Variants in MAGI1 observed in about 807,000 individuals in gnomAD.
MAGI1 encodes membrane-associated guanylate kinase, WW and PDZ domain-containing protein 1.
In MAGI1, 58 loss-of-function variants were observed where a neutral mutation model predicts 139.9. That is an observed-to-expected ratio of 0.41 (90% CI 0.34 to 0.52). The LOEUF is 0.52. MAGI1 is among the 20% of genes least tolerant of loss of function. The pLI is 0.12. For missense variants in MAGI1, 1,874 were observed against 1,901.6 expected, an observed-to-expected ratio of 0.99 and a Z score of 0.27; for synonymous variants, 812 against 737.9, an observed-to-expected ratio of 1.10 and a Z score of -1.63.
intron 2 of MAGI1, among the ~76,000 whole-genome samples, chr3:65,569,000 A>G (rs1165591244): frequency 1.3e-5 from 2 of 152,232 alleles, no homozygotes; most frequent in Non-Finnish European, 2.9e-5. Flanking sequence ...TTTGGCTCAC[A>G]CAGTACTTTA....
intron 1 of MAGI1, among the ~76,000 whole-genome samples, chr3:65,697,023 G>A (rs1214307578): frequency 2.0e-5 from 3 of 151,984 alleles, no homozygotes; most frequent in African/African-American, 4.8e-5. Flanking sequence ...TAGACACAAT[G>A]AAAAATGATA....
intron 2 of MAGI1, among the ~76,000 whole-genome samples, chr3:65,592,703 A>G (rs76167251): frequency 0.017 from 2,567 of 152,278 alleles, 55 homozygotes; most frequent in Non-Finnish European, 0.025. Flanking sequence ...ACTTTTGGAG[A>G]GTTGGACTTC....
At chr3:65,559,691 GC>G (rs1358275328) in intron 2 of MAGI1, among the ~76,000 whole-genome samples, 1 of 152,086 alleles carries the variant, frequency 6.6e-6, no homozygotes, top group African/African-American at 2.4e-5. Flanking sequence ...GCCCAGAAAG[GC>G]TACAAAACTT....
At chr3:65,481,541 G>A (rs112457920) in intron 3 of MAGI1, among the ~76,000 whole-genome samples, 1,827 of 152,142 alleles carry the variant, frequency 0.012, 39 homozygotes, top group African/African-American at 0.041. Flanking sequence ...ATTATATCAC[G>A]ACATCATGTA....
chr3:65,598,620 GA>G (rs1285166878), intron 2 of MAGI1, among the ~76,000 whole-genome samples: 4 of 152,176 alleles, frequency 2.6e-5, no homozygotes, highest in Admixed American at 2.6e-4. Context: ...CACTTTCAAG[GA>G]ATTGACACTT....
intron 1 of MAGI1, among the ~76,000 whole-genome samples, chr3:65,738,176 G>A (rs769736826): frequency 3.9e-5 from 6 of 152,160 alleles, no homozygotes; most frequent in Non-Finnish European, 8.8e-5. Flanking sequence ...CTGTGGGTTC[G>A]GTTCCTGATG....
chr3:65,774,086 C>T (rs1268502615), intron 1 of MAGI1, among the ~76,000 whole-genome samples: 2 of 145,696 alleles, frequency 1.4e-5, no homozygotes, highest in Non-Finnish European at 3.0e-5. Context: ...GTTTCCATAG[C>T]CCCAGATCCA....
rs72908272 is a variant in MAGI1 at position 65,776,857 on chromosome 3, T to C, written c.314-154769A>G. Among the ~76,000 whole-genome samples the C allele has an allele frequency of 7.9e-3, 1,199 of 152,354 alleles. 16 individuals are homozygous for C. Among genetic ancestry groups the C allele is most frequent in the African/African-American group, 0.027 (1,126 of 41,586 alleles). On this transcript the variant is annotated intron_variant, in intron 1 of 22. Transcript: ENST00000402939. ...AGACTTTTCTGCATCTCAGCCACTTTTGTTTCTATCCATCGCTGGCTGCTT... is the reference window on the plus strand; with the variant it reads ...AGACTTTTCTGCATCTCAGCCACTTCTGTTTCTATCCATCGCTGGCTGCTT...
At chr3:66,024,033 C>A (rs1292595247) in intron 1 of MAGI1, among the ~76,000 whole-genome samples, 3 of 152,250 alleles carry the variant, frequency 2.0e-5, no homozygotes, top group South Asian at 2.1e-4. Flanking sequence ...CCAAAGTAGA[C>A]CACTTCCAAA....
chr3:65,582,018 G>A (rs1484957847), intron 2 of MAGI1, among the ~76,000 whole-genome samples: 1 of 152,116 alleles, frequency 6.6e-6, no homozygotes, highest in African/African-American at 2.4e-5. Flanking sequence ...TAGCCCCTGT[G>A]GTAGATTCAA....
intron 1 of MAGI1, among the ~76,000 whole-genome samples, chr3:65,939,032 G>A (rs1174678822): frequency 1.3e-5 from 2 of 152,046 alleles, no homozygotes; most frequent in African/African-American, 2.4e-5. Context: ...CTAGTAATTC[G>A]TTTGCGCCCC....
At chr3:65,888,976 T>C (rs2060636250) in intron 1 of MAGI1, among the ~76,000 whole-genome samples, 1 of 152,230 alleles carries the variant, frequency 6.6e-6, no homozygotes. Context: ...TATGTGTGTA[T>C]GTATACATAT....
intron 1 of MAGI1, among the ~76,000 whole-genome samples, chr3:66,004,219 T>A (rs2066897462): frequency 6.6e-6 from 1 of 152,186 alleles, no homozygotes; most frequent in Admixed American, 6.5e-5. Context: ...ACCCTTTCAT[T>A]ATGCTCACGG....
intron 1 of MAGI1, among the ~76,000 whole-genome samples, chr3:65,835,315 A>G (rs2042745990): frequency 6.6e-6 from 1 of 152,234 alleles, no homozygotes; most frequent in Non-Finnish European, 1.5e-5. Context: ...CATCAAGGAA[A>G]CAAGAAACTA....
At chr3:65,601,849 G>A (rs779454969) in intron 2 of MAGI1, among the ~76,000 whole-genome samples, 1 of 152,080 alleles carries the variant, frequency 6.6e-6, no homozygotes, top group Non-Finnish European at 1.5e-5. Flanking sequence ...TACTGGTGAA[G>A]CATTTATCTG....
At chr3:65,880,073 C>G (rs1451061701) in intron 1 of MAGI1, among the ~76,000 whole-genome samples, 1 of 152,160 alleles carries the variant, frequency 6.6e-6, no homozygotes, top group African/African-American at 2.4e-5. Flanking sequence ...GAAACCCAGT[C>G]TCTACTAAAA....
At chr3:65,693,358 G>T (rs2107574974) in intron 1 of MAGI1, among the ~76,000 whole-genome samples, 1 of 152,274 alleles carries the variant, frequency 6.6e-6, no homozygotes, top group East Asian at 1.9e-4. Context: ...ACTTTCCTAA[G>T]ATCATGTAAC....
chr3:65,997,163 T>A (rs1230103036), intron 1 of MAGI1, among the ~76,000 whole-genome samples: 1 of 152,134 alleles, frequency 6.6e-6, no homozygotes, highest in Non-Finnish European at 1.5e-5. Context: ...GTACCCACCC[T>A]ACCTCAGTGG....
chr3:65,782,457 A>G (rs2039007882), intron 1 of MAGI1, among the ~76,000 whole-genome samples: 1 of 152,176 alleles, frequency 6.6e-6, no homozygotes, highest in Non-Finnish European at 1.5e-5. Context: ...CTGTAAGATA[A>G]TAAGTACATG....
Sources: gnomAD v4.1 joint callset for allele counts (sites outside exome capture counted in the v4.1 genomes callset) on GRCh38, gnomAD v4.1.1 for gene constraint, MANE v1.5 for transcripts, NCBI Gene and HGNC (gene_info 2026-07-23, HGNC 2026-07-21) for gene names.